The following ABCC1 variants were observed in gnomAD, a reference collection of about 807,000 sequenced individuals.
ABCC1 encodes the protein ATP binding cassette subfamily C member 1 (ABCC1 blood group), also known as multidrug resistance-associated protein 1.
Under a neutral mutation model 172.9 loss-of-function variants are expected in ABCC1, and 83 were observed. The ratio of observed to expected loss-of-function variants is 0.48; its 90% CI spans 0.40 to 0.58. The LOEUF (loss-of-function observed/expected upper bound fraction) is 0.58. Among genes scored for constraint, ABCC1 ranks in the 20% least tolerant of loss-of-function variants. The pLI is 0.00. For missense variants in ABCC1, 1,817 were observed against 2,002.7 expected (o/e 0.91, Z 1.77); for synonymous variants, 937 against 825.2 (o/e 1.14, Z -2.32).
At position 16,102,717 on chromosome 16, in the gene ABCC1, G is replaced by A; in HGVS notation, c.2735G>A (p.Arg912Lys). ...GACAGTGCAGGGAAGCAACTGCAGA[G>A]GTAAGGGCGGGGAGGAAGGCCCCAA... ...VTDSAGKQLQ[R>K]QLSSSSSYSG... Residue 912 changes from arginine (R) to lysine (K), a missense_variant and splice_region_variant, in exon 20 of 31, where the codon AGA (arginine) becomes AAA (lysine). Physicochemically the swap from Arg to Lys is conservative, Grantham distance 26. Around this residue, in one of 3 missense-constraint regions of ABCC1, gnomAD observed 1,412 missense variants for 1,600.3 expected, o/e 0.88. Transcript: ENST00000399410. 1 of 1,570,412 alleles carries A rather than the reference G, an allele frequency of 6.4e-7. No individual in the cohort carries two copies. Among genetic ancestry groups the A allele is most frequent in the Non-Finnish European group, 8.6e-7 (1 of 1,157,358 alleles).
At position 16,045,820 on chromosome 16, in the gene ABCC1, CTT is replaced by C. The variant is rs745682581; in HGVS notation, c.1041-14_1041-13del. 6.2e-7 allele frequency: 1 copy of C among 1,613,194 alleles called. No individual in the cohort carries two copies. The highest frequency in any genetic ancestry group is 1.3e-5 in the African/African-American group (1 of 74,920). On this transcript the variant is annotated splice_polypyrimidine_tract_variant and intron_variant, in intron 8 of 30. Coordinates refer to ENST00000399410, the MANE Select transcript of ABCC1 (RefSeq NM_004996.4). ...TGTCACAAGTCATTCCAGGCCCTCTCTTTGCTCCTTTGCAGGTTGCTCATCAA... is the reference window on the plus strand; with the variant it reads ...TGTCACAAGTCATTCCAGGCCCTCTCTGCTCCTTTGCAGGTTGCTCATCAA...
intron 13 of ABCC1, among the ~76,000 whole-genome samples, chr16:16,071,119 T>C (rs2151958084): frequency 6.6e-6 from 1 of 152,210 alleles, no homozygotes; most frequent in East Asian, 1.9e-4. Flanking sequence ...AGCCTCACTC[T>C]GTCACCCAGG....
chr16:16,002,105 G>GC (rs1415793080), intron 1 of ABCC1, among the ~76,000 whole-genome samples: 1 of 152,178 alleles, frequency 6.6e-6, no homozygotes, highest in Non-Finnish European at 1.5e-5. Flanking sequence ...GAACACCAAT[G>GC]CCAAGTCCCC....
At chr16:16,098,970 G>A (rs1232846947) in intron 19 of ABCC1, 5 of 1,286,156 alleles carry the variant, frequency 3.9e-6, no homozygotes, top group Non-Finnish European at 5.2e-6. Context: ...CGAGACTGTC[G>A]CTGCATGTCT....
intron 2 of ABCC1, among the ~76,000 whole-genome samples, chr16:16,008,393 G>A (rs187721251): frequency 3.1e-4 from 47 of 151,602 alleles, no homozygotes; most frequent in African/African-American, 1.1e-3. Flanking sequence ...TTGTAGAGAG[G>A]GGGGACTTGC....
intron 1 of ABCC1, among the ~76,000 whole-genome samples, chr16:15,960,746 ATG>A (rs942170709): frequency 6.6e-6 from 1 of 152,130 alleles, no homozygotes; most frequent in African/African-American, 2.4e-5. Flanking sequence ...TGGGAAGAGA[ATG>A]TGCATAGGCC....
intron 14 of ABCC1, chr16:16,076,081 A>T: frequency 1.9e-6 from 1 of 515,860 alleles, no homozygotes; most frequent in Non-Finnish European, 3.4e-6. Context: ...AGATGGCGCA[A>T]CCCCATCTTA....
intron 11 of ABCC1, among the ~76,000 whole-genome samples, chr16:16,055,318 C>T (rs114989482): frequency 0.029 from 4,402 of 151,602 alleles, 214 homozygotes; most frequent in African/African-American, 0.1. Context: ...TCTGGTAGGC[C>T]GAGGTTGGAT....
intron 28 of ABCC1, 103 bp downstream of exon 28, chr16:16,134,611 C>T: frequency 9.4e-7 from 1 of 1,065,668 alleles, no homozygotes; most frequent in Non-Finnish European, 1.3e-6. Flanking sequence ...TACATTTGGC[C>T]CTACTTCATC....
At chr16:15,959,621 C>T (rs1301117660) in intron 1 of ABCC1, among the ~76,000 whole-genome samples, 1 of 152,214 alleles carries the variant, frequency 6.6e-6, no homozygotes, top group Non-Finnish European at 1.5e-5. Flanking sequence ...CCACCATGCC[C>T]AGCCGAAAAT....
chr16:16,121,172 G>A lies in ABCC1; in HGVS notation c.3391-803G>A, dbSNP rs562420851. On this transcript the variant is annotated intron_variant, in intron 23 of 30. Coordinates refer to ENST00000399410, the MANE Select transcript of ABCC1 (RefSeq NM_004996.4). The stretch of plus-strand genomic sequence containing the variant: ...TACATGTCACCCTCACAATGACCCC[G>A]TGAAGCAAGCTTTGTTTTGTTTCGT... Among the ~76,000 whole-genome samples, 130 of 152,144 alleles carry A rather than the reference G, an allele frequency of 8.5e-4. 1 individual carries two copies. Among genetic ancestry groups the A allele is most frequent in the African/African-American group, 3.0e-3 (124 of 41,524 alleles).
chr16:16,137,054 G>A (rs757803398), intron 29 of ABCC1, among the ~76,000 whole-genome samples: 2 of 152,178 alleles, frequency 1.3e-5, no homozygotes, highest in Non-Finnish European at 2.9e-5. Context: ...AAGCATTAAT[G>A]CCTGGCACAC....
intron 21 of ABCC1, among the ~76,000 whole-genome samples, chr16:16,110,939 C>T (rs1156917945): frequency 6.6e-6 from 1 of 152,114 alleles, no homozygotes; most frequent in African/African-American, 2.4e-5. Flanking sequence ...CTCACTCTGT[C>T]GCCCAGGCTG....
At chr16:16,068,418 A>AGGCCC in intron 13 of ABCC1, 116 bp downstream of exon 13, 1 of 1,207,396 alleles carries the variant, frequency 8.3e-7, no homozygotes, top group South Asian at 1.4e-5. Flanking sequence ...GGGCTCCATG[A>AGGCCC]GGCCCGGACA....
Position 16,098,868 on chromosome 16 carries a change from C to T in ABCC1, c.2645-3759C>T, listed in dbSNP as rs760664911. On this transcript the variant is annotated intron_variant, in intron 19 of 30. Transcript: ENST00000399410. Reference sequence around the variant, plus strand: ...AACAATATCTTGGGTCTTCTGAATTCCCAGGCAGCACAGTGATGGACGAGG... The same window carrying T: ...AACAATATCTTGGGTCTTCTGAATTTCCAGGCAGCACAGTGATGGACGAGG... 6 of 1,351,954 alleles carry T rather than the reference C, an allele frequency of 4.4e-6. No homozygotes were observed. In the East Asian group the frequency reaches 1.4e-4, roughly 31 times the overall value. The allele number at this position is 1,351,954 out of a possible 1,614,324, so 83.7% of individuals were successfully genotyped here.
chr16:15,952,720 A>T (rs1327984392), intron 1 of ABCC1, among the ~76,000 whole-genome samples: 2 of 20,388 alleles, frequency 9.8e-5, no homozygotes, highest in Non-Finnish European at 8.8e-4. Flanking sequence ...GTTCATTAAA[A>T]AAAAAAAAAA....
At chr16:16,117,227 CAGA>C (rs1354397360) in intron 23 of ABCC1, among the ~76,000 whole-genome samples, 1 of 152,154 alleles carries the variant, frequency 6.6e-6, no homozygotes, top group Non-Finnish European at 1.5e-5. Context: ...GAGGCCATGG[CAGA>C]AGGAGAAGCA....
At chr16:15,993,873 G>T (rs2046961608) in intron 1 of ABCC1, among the ~76,000 whole-genome samples, 1 of 152,068 alleles carries the variant, frequency 6.6e-6, no homozygotes, top group Non-Finnish European at 1.5e-5. Context: ...TTGATCTCCG[G>T]CCCTGGAGAT....
chr16:16,056,908 C>T (rs947505801), intron 12 of ABCC1, among the ~76,000 whole-genome samples: 2 of 152,140 alleles, frequency 1.3e-5, no homozygotes, highest in African/African-American at 4.8e-5. Flanking sequence ...CGAGCTGAGT[C>T]GAACGGCACG....
Sources: allele counts gnomAD v4.1 joint callset (sites outside exome capture counted in the v4.1 genomes callset), GRCh38; gene constraint gnomAD v4.1.1; regional missense constraint gnomAD v4.1.1; transcripts MANE v1.5; gene names NCBI Gene and HGNC (gene_info 2026-07-23, HGNC 2026-07-21).